DCDC2: variants seen among roughly 807,000 people sequenced by gnomAD.
DCDC2 encodes the protein doublecortin domain-containing protein 2.
In DCDC2, 40 loss-of-function variants were observed where a neutral mutation model predicts 50.2. That is an observed-to-expected ratio of 0.80 (90% CI 0.62 to 1.04). The LOEUF (loss-of-function observed/expected upper bound fraction) is 1.04. Ranked by LOEUF, DCDC2 falls within the 50% of genes least tolerant of loss-of-function variation. The pLI is 0.00. For synonymous variants in DCDC2, 234 were observed against 210.6 expected (o/e 1.11, Z -0.96); for missense variants, 570 against 581.9 (o/e 0.98, Z 0.21).
In DCDC2 at chr6:24,341,464, C is replaced by A. The variant is rs1022884105; in HGVS notation, c.348+12105G>T. On this transcript the variant is annotated intron_variant, in intron 2 of 9. Transcript: ENST00000378454. ...CCAAGCTAGACACTAGGGCATACTG[C>A]CTGCATATTTCCTGCTGAAATCAGC... is the stretch of plus-strand genomic sequence containing the variant. 2.6e-5 allele frequency among the ~76,000 whole-genome samples: 4 copies of A among 152,138 alleles called. No homozygotes were observed. The South Asian group carries it at 8.3e-4, about 32-fold the overall frequency.
At chr6:24,334,130 T>G (rs1388137571) in intron 2 of DCDC2, among the ~76,000 whole-genome samples, 2 of 152,252 alleles carry the variant, frequency 1.3e-5, no homozygotes, top group Non-Finnish European at 2.9e-5. Flanking sequence ...AATAATTCCA[T>G]AGTCCCTGAT....
At chr6:24,231,054 C>CA (rs1762328066) in intron 7 of DCDC2, among the ~76,000 whole-genome samples, 1 of 152,172 alleles carries the variant, frequency 6.6e-6, no homozygotes. Flanking sequence ...ATGGAAGGCC[C>CA]ACGTTGTCTG....
At chr6:24,250,627 A>T (rs1451837653) in intron 7 of DCDC2, among the ~76,000 whole-genome samples, 1 of 152,234 alleles carries the variant, frequency 6.6e-6, no homozygotes, top group East Asian at 1.9e-4. Flanking sequence ...TATTTATAAA[A>T]TATGTGAACA....
chr6:24,231,998 T>TAA (rs1187961861), intron 7 of DCDC2, among the ~76,000 whole-genome samples: 1 of 63,072 alleles, frequency 1.6e-5, no homozygotes, highest in African/African-American at 4.5e-5. Context: ...TAATTTCATA[T>TAA]ATATATACAC....
In DCDC2 at chr6:24,288,846, A is replaced by G. The variant is rs1267365485; in HGVS notation, c.759+6T>C. 1 of 1,610,378 alleles carries G rather than the reference A, an allele frequency of 6.2e-7. No individual in the cohort carries two copies. Among genetic ancestry groups the G allele is most frequent in the African/African-American group, 1.3e-5 (1 of 74,982 alleles). ...AACATCAACGAGGAAAGCATCTGAT[A>G]CTTACACTCCCTTTAGACTTTCTGG... On this transcript the variant is annotated splice_donor_region_variant and intron_variant, in intron 6 of 9. Coordinates refer to ENST00000378454, the MANE Select transcript of DCDC2 (RefSeq NM_016356.5).
At chr6:24,363,002 G>A (rs1336604278), upstream of DCDC2, among the ~76,000 whole-genome samples, 2 of 152,144 alleles carry the variant, frequency 1.3e-5, no homozygotes, top group Non-Finnish European at 2.9e-5. Context: ...CCCTGATCAC[G>A]AAGAGCTGAG....
intron 7 of DCDC2, among the ~76,000 whole-genome samples, chr6:24,251,683 C>T (rs1341833095): frequency 6.6e-6 from 1 of 152,194 alleles, no homozygotes; most frequent in Admixed American, 6.5e-5. Context: ...TATTTCTATC[C>T]ACAGCACTGT....
the DCDC2 span, among the ~76,000 whole-genome samples, chr6:24,375,583 T>C: frequency 6.6e-6 from 1 of 152,170 alleles, no homozygotes; most frequent in Non-Finnish European, 1.5e-5. Context: ...GTTATTCAGA[T>C]CTCAGCTGAA....
intron 2 of DCDC2, among the ~76,000 whole-genome samples, chr6:24,348,099 G>A (rs1760301038): frequency 6.6e-6 from 1 of 152,304 alleles, no homozygotes; most frequent in East Asian, 1.9e-4. Flanking sequence ...CAAGCCTGCA[G>A]TCTGACAAAA....
intron 2 of DCDC2, among the ~76,000 whole-genome samples, chr6:24,336,270 T>C (rs1760055681): frequency 6.6e-6 from 1 of 152,198 alleles, no homozygotes. Flanking sequence ...TTGAAGGATA[T>C]TTAACATATT....
chr6:24,201,678 C>T (rs1022968201), intron 8 of DCDC2, among the ~76,000 whole-genome samples: 7 of 152,108 alleles, frequency 4.6e-5, no homozygotes. Context: ...TAGATAGAGA[C>T]ACGAAAAACC....
the DCDC2 span, among the ~76,000 whole-genome samples, chr6:24,364,004 A>G: frequency 6.6e-6 from 1 of 152,126 alleles, no homozygotes; most frequent in Admixed American, 6.6e-5. Context: ...TTCTCACGCA[A>G]ATCTTCCTAT....
intron 7 of DCDC2, among the ~76,000 whole-genome samples, chr6:24,210,647 C>T (rs1260324290): frequency 6.6e-6 from 1 of 152,338 alleles, no homozygotes; most frequent in South Asian, 2.1e-4. Flanking sequence ...AAACAGCTTA[C>T]AAACTAGTGT....
chr6:24,327,677 GC>G (rs1759898893), intron 2 of DCDC2, among the ~76,000 whole-genome samples: 1 of 151,828 alleles, frequency 6.6e-6, no homozygotes, highest in Non-Finnish European at 1.5e-5. Context: ...TTTCACCATG[GC>G]AGCCAGGCTG....
At chr6:24,358,944 T>TTA, upstream of DCDC2, among the ~76,000 whole-genome samples, 1 of 56,954 alleles carries the variant, frequency 1.8e-5, no homozygotes, top group Admixed American at 3.4e-4. Context: ...ATTTTATATA[T>TTA]TATATATTAT....
At chr6:24,273,035 T>G (rs1425595903) in intron 7 of DCDC2, among the ~76,000 whole-genome samples, 1 of 144,082 alleles carries the variant, frequency 6.9e-6, no homozygotes, top group Admixed American at 7.1e-5. Flanking sequence ...CACACACACT[T>G]TGTGGGTATG....
intron 6 of DCDC2, among the ~76,000 whole-genome samples, chr6:24,281,973 A>G (rs994380827): frequency 1.1e-4 from 16 of 152,076 alleles, no homozygotes; most frequent in Non-Finnish European, 1.8e-4. Context: ...AGCACTAAAA[A>G]CTCCTATTAC....
chr6:24,381,683 G>A, the DCDC2 span, among the ~76,000 whole-genome samples: 8 of 152,022 alleles, frequency 5.3e-5, no homozygotes, highest in Admixed American at 5.2e-4. Context: ...CATGGCTCAT[G>A]CCTGTAATTC....
At chr6:24,220,174 C>A (rs1259889280) in intron 7 of DCDC2, among the ~76,000 whole-genome samples, 1 of 152,170 alleles carries the variant, frequency 6.6e-6, no homozygotes, top group Admixed American at 6.5e-5. Context: ...GTTGAGTTAG[C>A]TTTGTACAGT....
Sources: allele counts gnomAD v4.1 joint callset (sites outside exome capture counted in the v4.1 genomes callset), GRCh38; gene constraint gnomAD v4.1.1; transcripts MANE v1.5; gene names NCBI Gene and HGNC (gene_info 2026-07-23, HGNC 2026-07-21).